The following CNTN5 variants were observed in gnomAD, a reference collection of about 807,000 sequenced individuals.
CNTN5 encodes contactin-5.
CNTN5 carries 77 observed loss-of-function variants against 129.1 expected under a neutral mutation model. The ratio of observed to expected loss-of-function variants is 0.60; its 90% CI spans 0.50 to 0.72. The LOEUF is 0.72. Ranked by LOEUF, CNTN5 falls within the 30% of genes least tolerant of loss-of-function variation. The probability of loss-of-function intolerance (pLI) is 0.00; values close to 1 mark genes in which losing one functional copy is unlikely to be tolerated. For synonymous variants in CNTN5, 509 were observed against 465.6 expected, an observed-to-expected ratio of 1.09 and a Z score of -1.20; for missense variants, 1,478 against 1,328.8, an observed-to-expected ratio of 1.11 and a Z score of -1.75.
chr11:99,320,668 G>A (rs1327194157), intron 1 of CNTN5, among the ~76,000 whole-genome samples: 1 of 152,066 alleles, frequency 6.6e-6, no homozygotes, highest in African/African-American at 2.4e-5. Context: ...AAAAAGGAGG[G>A]GAGTAAGTAC....
chr11:99,602,650 T>C (rs1458256191), intron 3 of CNTN5, among the ~76,000 whole-genome samples: 6 of 150,432 alleles, frequency 4.0e-5, no homozygotes, highest in Non-Finnish European at 7.4e-5. Context: ...GTTTGTGCAA[T>C]GTAAAAAAAA....
intron 6 of CNTN5, among the ~76,000 whole-genome samples, chr11:99,891,466 G>T (rs1044677922): frequency 6.6e-6 from 1 of 152,056 alleles, no homozygotes; most frequent in South Asian, 2.1e-4. Context: ...TTCTCCTAAT[G>T]CTATGCCTCC....
intron 2 of CNTN5, among the ~76,000 whole-genome samples, chr11:99,518,882 A>G (rs1947162533): frequency 6.6e-6 from 1 of 152,054 alleles, no homozygotes; most frequent in African/African-American, 2.4e-5. Context: ...TATACTGTGA[A>G]TTAGCCTCCT....
chr11:99,459,038 A>G (rs1417149818), intron 2 of CNTN5, among the ~76,000 whole-genome samples: 7 of 152,036 alleles, frequency 4.6e-5, no homozygotes, highest in Non-Finnish European at 1.0e-4. Flanking sequence ...GGACAGTGGT[A>G]AACTACTAAA....
intron 8 of CNTN5, among the ~76,000 whole-genome samples, chr11:99,991,700 T>C (rs1311875883): frequency 6.6e-6 from 1 of 152,122 alleles, no homozygotes; most frequent in African/African-American, 2.4e-5. Flanking sequence ...AGCAAACTAC[T>C]TCCCTCCATG....
In CNTN5 at chr11:99,978,797, T is replaced by A. The variant is rs1052720891; in HGVS notation, c.877+21788T>A. Among the ~76,000 whole-genome samples, 14 of 152,320 alleles carry A rather than the reference T, an allele frequency of 9.2e-5. No homozygotes were observed. The East Asian group carries it at 2.5e-3, about 27-fold the overall frequency. ...CTGCTTATTTTATGACATTTAACAT[T>A]GTACTGAGACAGCTTCCCAAAGAGG... is the stretch of plus-strand genomic sequence containing the variant. On this transcript the variant is annotated intron_variant, in intron 8 of 24. Coordinates refer to ENST00000524871, the MANE Select transcript of CNTN5 (RefSeq NM_014361.4).
intron 13 of CNTN5, among the ~76,000 whole-genome samples, chr11:100,127,310 C>A (rs147989803): frequency 7.3e-4 from 111 of 152,010 alleles, no homozygotes; most frequent in African/African-American, 2.6e-3. Flanking sequence ...AGTGATGACA[C>A]ATTCCTTTAG....
intron 7 of CNTN5, among the ~76,000 whole-genome samples, chr11:99,919,497 C>G (rs1187775130): frequency 1.3e-5 from 2 of 152,132 alleles, no homozygotes; most frequent in Non-Finnish European, 2.9e-5. Flanking sequence ...AAAACTTTGT[C>G]TTTATATACT....
intron 16 of CNTN5, among the ~76,000 whole-genome samples, chr11:100,239,342 C>T (rs950985200): frequency 3.9e-5 from 6 of 151,916 alleles, no homozygotes; most frequent in African/African-American, 7.3e-5. Flanking sequence ...GTGTAGACCA[C>T]GTCATATTTA....
chr11:99,264,978 G>A (rs1196320834), intron 1 of CNTN5, among the ~76,000 whole-genome samples: 1 of 151,636 alleles, frequency 6.6e-6, no homozygotes, highest in African/African-American at 2.4e-5. Context: ...TACTTTTATT[G>A]CAAAGATTGT....
rs184763507 is a variant in CNTN5 at position 99,911,098 on chromosome 11, A to C, written c.578-4956A>C. On this transcript the variant is annotated intron_variant, in intron 6 of 24. Coordinates refer to ENST00000524871, the MANE Select transcript of CNTN5 (RefSeq NM_014361.4). ...TATAATATATATGACACTCAAATGT[A>C]ATTAATGAAACTTTATAAAATTTGT... Among the ~76,000 whole-genome samples, 23 of 152,262 alleles carry C rather than the reference A, an allele frequency of 1.5e-4. No homozygotes were observed. The East Asian group carries it at 4.1e-3, about 27-fold the overall frequency.
intron 13 of CNTN5, among the ~76,000 whole-genome samples, chr11:100,163,015 C>A (rs985433937): frequency 6.6e-6 from 1 of 151,680 alleles, no homozygotes; most frequent in African/African-American, 2.4e-5. Flanking sequence ...TGCCTTTGTG[C>A]CTCCTACAGC....
intron 3 of CNTN5, among the ~76,000 whole-genome samples, chr11:99,594,733 G>T (rs926760105): frequency 1.3e-5 from 2 of 152,146 alleles, no homozygotes; most frequent in Non-Finnish European, 2.9e-5. Context: ...CGCTGTTAAT[G>T]GTGCTGCTTT....
At chr11:99,544,725 G>C (rs1948235518) in intron 2 of CNTN5, among the ~76,000 whole-genome samples, 1 of 152,240 alleles carries the variant, frequency 6.6e-6, no homozygotes, top group Non-Finnish European at 1.5e-5. Context: ...GTGCTACCTG[G>C]ACACAGAATA....
At chr11:100,156,507 C>G (rs1004207775) in intron 13 of CNTN5, among the ~76,000 whole-genome samples, 1 of 151,980 alleles carries the variant, frequency 6.6e-6, no homozygotes, top group Non-Finnish European at 1.5e-5. Context: ...CAGGATGATG[C>G]TGGCCTCATA....
chr11:99,400,016 T>C (rs1319396277), intron 2 of CNTN5, among the ~76,000 whole-genome samples: 1 of 152,116 alleles, frequency 6.6e-6, no homozygotes, highest in Non-Finnish European at 1.5e-5. Flanking sequence ...AATTATACTT[T>C]TAGTAATTGT....
chr11:99,758,353 T>C (rs930360001), intron 3 of CNTN5, among the ~76,000 whole-genome samples: 3 of 152,116 alleles, frequency 2.0e-5, no homozygotes, highest in African/African-American at 7.2e-5. Flanking sequence ...TGATCCTGCT[T>C]ACAAAGAACT....
chr11:99,524,328 G>T (rs899805954), intron 2 of CNTN5, among the ~76,000 whole-genome samples: 1 of 151,866 alleles, frequency 6.6e-6, no homozygotes, highest in Admixed American at 6.6e-5. Context: ...TAATTTAAAG[G>T]TATAATAATA....
intron 9 of CNTN5, among the ~76,000 whole-genome samples, chr11:100,004,426 A>G (rs907677686): frequency 1.4e-4 from 21 of 152,058 alleles, no homozygotes; most frequent in African/African-American, 5.1e-4. Flanking sequence ...GAAATAGGCT[A>G]TCTATGAATG....
Sources: allele counts gnomAD v4.1 joint callset (sites outside exome capture counted in the v4.1 genomes callset), GRCh38; gene constraint gnomAD v4.1.1; transcripts MANE v1.5; gene names NCBI Gene and HGNC (gene_info 2026-07-23, HGNC 2026-07-21).